Variants in PTPRA observed in about 807,000 individuals in gnomAD.
PTPRA encodes protein tyrosine phosphatase receptor type A.
A neutral mutation model predicts 104.8 loss-of-function variants in PTPRA; 25 were observed. That is an observed-to-expected ratio of 0.24 (90% CI 0.17 to 0.33). PTPRA has a LOEUF of 0.33. Ranked by LOEUF, PTPRA falls within the 10% of genes least tolerant of loss-of-function variation. The pLI, the probability that PTPRA is intolerant of heterozygous loss-of-function variation, is 1.00. For synonymous variants in PTPRA, 323 were observed against 368.9 expected (o/e 0.88, Z 1.43); for missense variants, 765 against 1,015.3 (o/e 0.75, Z 3.35).
intron 2 of PTPRA, among the ~76,000 whole-genome samples, chr20:2,944,110 G>T (rs905054593): frequency 6.7e-6 from 1 of 149,322 alleles, no homozygotes; most frequent in East Asian, 2.0e-4. Flanking sequence ...GCATGATCTC[G>T]GCTCACTGTA....
chr20:3,000,311 A>G (rs2063574243), intron 9 of PTPRA, among the ~76,000 whole-genome samples: 1 of 152,138 alleles, frequency 6.6e-6, no homozygotes, highest in Admixed American at 6.5e-5. Context: ...CAGTAGGACA[A>G]CGGGGAAACC....
At chr20:3,017,992 C>T in intron 13 of PTPRA, 79 bp downstream of exon 13, 1 of 1,211,540 alleles carries the variant, frequency 8.3e-7, no homozygotes. Context: ...GCTGTCTATC[C>T]TTTGTGGGTG....
chr20:2,999,532 A>C (rs1413079475), intron 9 of PTPRA, among the ~76,000 whole-genome samples: 1 of 152,216 alleles, frequency 6.6e-6, no homozygotes, highest in Non-Finnish European at 1.5e-5. Context: ...GAATGAAATA[A>C]AGAGCCCAGA....
intron 1 of PTPRA, among the ~76,000 whole-genome samples, chr20:2,904,251 C>T (rs1039150411): frequency 6.6e-6 from 1 of 152,030 alleles, no homozygotes; most frequent in African/African-American, 2.4e-5. Flanking sequence ...TTAAGTGCTA[C>T]ACTAGCAGAA....
chr20:2,926,036 T>G (rs1461045852), intron 2 of PTPRA, among the ~76,000 whole-genome samples: 1 of 152,188 alleles, frequency 6.6e-6, no homozygotes, highest in East Asian at 1.9e-4. Flanking sequence ...TTTCTTTACA[T>G]TCTGCTTTTT....
At position 2,975,228 on chromosome 20, in the gene PTPRA, G is replaced by A. The variant is rs762224859; in HGVS notation, c.429G>A (p.Ser143=). 8.8e-6 allele frequency: 14 copies of A among 1,596,544 alleles called. No individual in the cohort carries two copies. Among genetic ancestry groups the A allele is most frequent in the Admixed American group, 3.4e-5 (2 of 59,564 alleles). ...ETFPPSGNSD[S]KDRRDETPII... is the part of the protein sequence containing the mutation. ...CTTATTACACAGGTAATTCTGACTC[G>A]AAGGACAGAAGAGGTGAGCTGCTCA... Residue 143 remains serine, a synonymous_variant, in exon 6 of 24, where the codon TCG becomes TCA. Coordinates refer to ENST00000399903, the MANE Select transcript of PTPRA (RefSeq NM_001385305.1).
At chr20:2,964,658 T>G (rs906823674) in intron 4 of PTPRA, among the ~76,000 whole-genome samples, 7 of 152,184 alleles carry the variant, frequency 4.6e-5, no homozygotes. Context: ...TGTGTCTTTC[T>G]CCCTTAAACC....
At chr20:3,028,502 T>G (rs1429159763) in intron 20 of PTPRA, among the ~76,000 whole-genome samples, 1 of 152,194 alleles carries the variant, frequency 6.6e-6, no homozygotes, top group Non-Finnish European at 1.5e-5. Context: ...TGTTCCTGAG[T>G]CAGAATCATA....
At chr20:2,961,085 A>G (rs1471836464) in intron 3 of PTPRA, among the ~76,000 whole-genome samples, 1 of 152,198 alleles carries the variant, frequency 6.6e-6, no homozygotes, top group Non-Finnish European at 1.5e-5. Context: ...AAGTTGCTGT[A>G]AACATCCATG....
chr20:2,981,884 G>A (rs1004957675), intron 6 of PTPRA, among the ~76,000 whole-genome samples: 3 of 152,128 alleles, frequency 2.0e-5, no homozygotes, highest in East Asian at 3.9e-4. Context: ...CTTGGACATC[G>A]AGTCTGGTCT....
At chr20:2,891,100 G>A (rs1196873652) in intron 1 of PTPRA, among the ~76,000 whole-genome samples, 1 of 152,110 alleles carries the variant, frequency 6.6e-6, no homozygotes, top group Non-Finnish European at 1.5e-5. Context: ...CTTGAATGTT[G>A]TTCATCTGGT....
chr20:2,947,878 A>G lies in PTPRA; in HGVS notation c.-49-104A>G, dbSNP rs934271999. 10 of 458,356 alleles carry G rather than the reference A, an allele frequency of 2.2e-5. No homozygotes were observed. In the Admixed American group the frequency reaches 2.6e-4, roughly 12 times the overall value. 28.4% of individuals were successfully genotyped at this position (458,356 alleles called of 1,614,324 possible). ...AAGTGTTCATGTTAAAGTTACTTAT[A>G]TATAAAATTTGCCTATCGATAATTT... On this transcript the variant is annotated intron_variant, in intron 2 of 23. Coordinates refer to ENST00000399903, the MANE Select transcript of PTPRA (RefSeq NM_001385305.1).
intron 1 of PTPRA, among the ~76,000 whole-genome samples, chr20:2,887,561 A>G (rs1056937107): frequency 6.6e-6 from 1 of 152,232 alleles, no homozygotes; most frequent in African/African-American, 2.4e-5. Flanking sequence ...GATGATTGCT[A>G]GTTAATGAAC....
chr20:2,896,554 A>G (rs1388411231), intron 1 of PTPRA, among the ~76,000 whole-genome samples: 2 of 152,178 alleles, frequency 1.3e-5, no homozygotes, highest in Non-Finnish European at 2.9e-5. Flanking sequence ...TCACCCATCT[A>G]TGTAATTTTT....
chr20:2,893,775 T>G (rs2058888293), intron 1 of PTPRA, among the ~76,000 whole-genome samples: 1 of 152,168 alleles, frequency 6.6e-6, no homozygotes, highest in African/African-American at 2.4e-5. Context: ...CCAAAGAGTA[T>G]GTAAAAGCAT....
At chr20:2,949,720 G>GTT (rs11477018) in intron 3 of PTPRA, among the ~76,000 whole-genome samples, 1 of 145,632 alleles carries the variant, frequency 6.9e-6, no homozygotes, top group African/African-American at 2.5e-5. Context: ...ATTGCGTATT[G>GTT]TTTTTTTTTT....
chr20:3,034,278 A>T (rs1378319838), intron 20 of PTPRA, among the ~76,000 whole-genome samples: 1 of 152,158 alleles, frequency 6.6e-6, no homozygotes, highest in Non-Finnish European at 1.5e-5. Flanking sequence ...CAAAAAAGAA[A>T]AAAAAAATGA....
At chr20:2,864,443 C>T in the PTPRA span, 5 of 1,614,156 alleles carry the variant, frequency 3.1e-6, no homozygotes, top group Non-Finnish European at 4.2e-6. The surrounding 1 kb of genome is among the most constrained non-coding windows in gnomAD (Gnocchi z 5.2). Context: ...CAGCCCATGG[C>T]CCTCAGTTTG....
chr20:2,990,076 A>G (rs2063104242), intron 9 of PTPRA, among the ~76,000 whole-genome samples: 1 of 152,194 alleles, frequency 6.6e-6, no homozygotes, highest in African/African-American at 2.4e-5. Context: ...GCAGACCAGA[A>G]TAGTTGCGGG....
Sources: gnomAD v4.1 joint callset for allele counts (sites outside exome capture counted in the v4.1 genomes callset) on GRCh38, gnomAD v4.1.1 for gene constraint, Gnocchi (gnomAD v3.1) non-coding constraint, MANE v1.5 for transcripts, NCBI Gene and HGNC (gene_info 2026-07-23, HGNC 2026-07-21) for gene names.